Variants in VPS50 observed in about 807,000 individuals in gnomAD.
VPS50 encodes the protein syndetin.
A neutral mutation model predicts 139.7 loss-of-function variants in VPS50; 70 were observed. That is an observed-to-expected ratio of 0.50 (90% confidence interval 0.41 to 0.61). The LOEUF (loss-of-function observed/expected upper bound fraction) is 0.61, where lower values mean the gene tolerates loss of function less well. Among genes scored for constraint, VPS50 ranks in the 20% least tolerant of loss-of-function variants. The pLI is 0.00. For synonymous variants in VPS50, 365 were observed against 376.7 expected (o/e 0.97, Z 0.36); for missense variants, 921 against 1,133.7 (o/e 0.81, Z 2.69).
intron 23 of VPS50, among the ~76,000 whole-genome samples, chr7:93,348,203 C>G (rs1798458769): frequency 6.6e-6 from 1 of 152,154 alleles, no homozygotes; most frequent in African/African-American, 2.4e-5. Context: ...CACTGACTCC[C>G]ATTCCTGTAC....
At chr7:93,302,277 T>G (rs1214618446) in intron 16 of VPS50, among the ~76,000 whole-genome samples, 3 of 152,104 alleles carry the variant, frequency 2.0e-5, no homozygotes, top group African/African-American at 7.2e-5. Flanking sequence ...TCTCTGTCCT[T>G]TCTATCCAAT....
intron 24 of VPS50, among the ~76,000 whole-genome samples, chr7:93,349,544 A>G (rs768235572): frequency 4.8e-4 from 73 of 152,242 alleles, no homozygotes; most frequent in Non-Finnish European, 8.1e-4. Flanking sequence ...CAGGGGAGAG[A>G]TGGTGGAATC....
rs572719436 is a variant in VPS50, at chr7:93,284,722, A to ACT, written c.943-6978_943-6977dup. Among the ~76,000 whole-genome samples the ACT allele has an allele frequency of 3.2e-3, 493 of 152,232 alleles. 1 individual carries two copies. Among genetic ancestry groups the ACT allele is most frequent in the Non-Finnish European group, 4.2e-3 (287 of 68,010 alleles). ...TCATAGCTTTTAAAGCTTCAGAGGG[A>ACT]CTCTAGGAGATTTGCTTTAACCCTT... On this transcript the variant is annotated intron_variant, in intron 12 of 27. Transcript: ENST00000305866.
chr7:93,292,366 G>A (rs1207825594), intron 13 of VPS50, among the ~76,000 whole-genome samples: 1 of 152,014 alleles, frequency 6.6e-6, no homozygotes, highest in Non-Finnish European at 1.5e-5. Flanking sequence ...CTGTGGTACA[G>A]TCAGCTAAAT....
At chr7:93,247,766 T>C (rs1056899826) in intron 2 of VPS50, among the ~76,000 whole-genome samples, 3 of 152,024 alleles carry the variant, frequency 2.0e-5, no homozygotes, top group Non-Finnish European at 2.9e-5. Context: ...TAAATGAAAT[T>C]TGTTTTTTAG....
At chr7:93,334,307 A>G (rs1225101753) in intron 22 of VPS50, 110 bp downstream of exon 22, 2 of 675,852 alleles carry the variant, frequency 3.0e-6, no homozygotes, top group Non-Finnish European at 2.6e-6. Flanking sequence ...CTGAGTCCTC[A>G]GAATTAAATG....
chr7:93,346,260 C>T (rs1798390506), intron 23 of VPS50, among the ~76,000 whole-genome samples: 2 of 152,288 alleles, frequency 1.3e-5, no homozygotes, highest in South Asian at 4.1e-4. Flanking sequence ...AGGAATCCAA[C>T]TTACAAGGGA....
chr7:93,303,936 TTTTTCATTTCTTAAAGGGACTAG>T (rs1401056574), intron 17 of VPS50, among the ~76,000 whole-genome samples: 2 of 151,876 alleles, frequency 1.3e-5, no homozygotes. Flanking sequence ...TTGTAGAATA[TTTTTCATTTCTTAAAGGGACTAG>T]TAGGTTCCTA....
intron 20 of VPS50, chr7:93,320,732 A>G (rs1198584269): frequency 6.6e-6 from 1 of 152,302 alleles, no homozygotes; most frequent in East Asian, 1.9e-4. Flanking sequence ...CTAGCAGCCT[A>G]CACCTCTAAC....
chr7:93,250,173 CT>C (rs1298890905), intron 2 of VPS50, among the ~76,000 whole-genome samples: 1 of 151,860 alleles, frequency 6.6e-6, no homozygotes, highest in African/African-American at 2.4e-5. Context: ...AGTTTGCCTT[CT>C]CTTTTAAGTT....
In VPS50 at chr7:93,291,804, G is replaced by T; in HGVS notation, c.1044G>T (p.Lys348Asn). The T allele has an allele frequency of 6.2e-7, 1 of 1,602,066 alleles. No individual in the cohort carries two copies. The highest frequency in any genetic ancestry group is 8.5e-7 in the Non-Finnish European group (1 of 1,173,136). Residue 348 changes from lysine (K) to asparagine (N), a missense_variant, in exon 13 of 28, where the codon AAG becomes AAT. Transcript: ENST00000305866. ...SYYRTMEWHEKHDNEDTASAS... is the reference protein window; with the variant it reads ...SYYRTMEWHENHDNEDTASAS... ...ATAGGACTATGGAATGGCATGAAAA[G>T]CATGACAATGAGGATACTGCTTCAG...
At chr7:93,242,329 G>A (rs553827478) in intron 2 of VPS50, among the ~76,000 whole-genome samples, 1 of 151,882 alleles carries the variant, frequency 6.6e-6, no homozygotes, top group African/African-American at 2.4e-5. Flanking sequence ...GAAGGAAACA[G>A]GGCGATGAGA....
chr7:93,233,504 T>C (rs1017804536), intron 1 of VPS50, among the ~76,000 whole-genome samples: 1 of 152,236 alleles, frequency 6.6e-6, no homozygotes, highest in Non-Finnish European at 1.5e-5. Flanking sequence ...TTGAGAGATA[T>C]ATAAACAGGA....
rs374376013 is a variant in VPS50, at chr7:93,239,948, C to A, written c.102+14C>A. 1.3e-6 allele frequency: 2 copies of A among 1,489,980 alleles called. No individual in the cohort carries two copies. Among genetic ancestry groups the A allele is most frequent in the Non-Finnish European group, 1.9e-6 (2 of 1,069,158 alleles). 92.3% of individuals were successfully genotyped at this position (1,489,980 alleles called of 1,614,324 possible). A position where few individuals can be genotyped will look rare whatever the true frequency, so the allele number is the denominator to read the frequency against. The stretch of plus-strand genomic sequence containing the variant: ...GTCCCTGGAAAGGTATTGAGCTACA[C>A]GTGTGAGCGTGACTTTTTACTTCCT... On this transcript the variant is annotated intron_variant, in intron 2 of 27. Transcript: ENST00000305866.
intron 14 of VPS50, among the ~76,000 whole-genome samples, chr7:93,295,116 TG>T (rs1268019648): frequency 3.3e-5 from 5 of 152,222 alleles, no homozygotes; most frequent in African/African-American, 1.2e-4. Context: ...GCTTATTGGC[TG>T]AATATATCTG....
intron 12 of VPS50, among the ~76,000 whole-genome samples, chr7:93,284,799 A>G (rs1230567517): frequency 2.0e-5 from 3 of 152,228 alleles, no homozygotes; most frequent in Non-Finnish European, 4.4e-5. Flanking sequence ...AGTAAGTGAC[A>G]AAGTTGGGCT....
intron 20 of VPS50, among the ~76,000 whole-genome samples, chr7:93,314,533 GC>G (rs1562882655): frequency 1.3e-5 from 2 of 152,116 alleles, no homozygotes; most frequent in African/African-American, 4.8e-5. Context: ...CAGTGAAATA[GC>G]CTTGGTATTC....
At chr7:93,243,496 A>T (rs1027662759) in intron 2 of VPS50, among the ~76,000 whole-genome samples, 3 of 151,990 alleles carry the variant, frequency 2.0e-5, no homozygotes, top group African/African-American at 7.2e-5. Flanking sequence ...GTTCTAAAAA[A>T]TTGTTTGGAA....
At chr7:93,275,651 T>A (rs1796132404) in intron 11 of VPS50, among the ~76,000 whole-genome samples, 1 of 152,086 alleles carries the variant, frequency 6.6e-6, no homozygotes, top group South Asian at 2.1e-4. Context: ...AATAAAAAAA[T>A]TTGCTTTGTG....
Sources: allele counts gnomAD v4.1 joint callset (sites outside exome capture counted in the v4.1 genomes callset), GRCh38; gene constraint gnomAD v4.1.1; transcripts MANE v1.5; gene names NCBI Gene and HGNC (gene_info 2026-07-23, HGNC 2026-07-21).